The following TMC1 variants were observed in gnomAD, a reference collection of about 807,000 sequenced individuals.
TMC1 encodes the protein transmembrane channel-like protein 1.
Under a neutral mutation model 105.8 loss-of-function variants are expected in TMC1, and 84 were observed. That is an observed-to-expected ratio of 0.79 (90% CI 0.67 to 0.95). TMC1 has a LOEUF of 0.95. Among genes scored for constraint, TMC1 ranks in the 40% least tolerant of loss-of-function variants. The pLI is 0.00. For missense variants in TMC1, 817 were observed against 914.1 expected (o/e 0.89, Z 1.37); for synonymous variants, 315 against 311.5 (o/e 1.01, Z -0.12).
intron 1 of TMC1, among the ~76,000 whole-genome samples, chr9:72,561,317 C>CAAAAAA (rs375862130): frequency 1.3e-5 from 1 of 76,392 alleles, no homozygotes; most frequent in African/African-American, 5.5e-5. Context: ...GACTCCGTCT[C>CAAAAAA]AAAAAAAAAA....
At chr9:72,542,595 A>G (rs1219456167) in intron 1 of TMC1, among the ~76,000 whole-genome samples, 1 of 151,070 alleles carries the variant, frequency 6.6e-6, no homozygotes, top group East Asian at 2.0e-4. Context: ...GCTCCAGCCT[A>G]GGGGGGAGAA....
At chr9:72,685,258 C>T (rs960577099) in intron 5 of TMC1, among the ~76,000 whole-genome samples, 11 of 151,544 alleles carry the variant, frequency 7.3e-5, no homozygotes, top group Admixed American at 1.3e-4. Flanking sequence ...AGGCGCCCAC[C>T]ACCACACCCG....
chr9:72,662,191 CTTT>C (rs71359511), intron 5 of TMC1, among the ~76,000 whole-genome samples: 1 of 141,524 alleles, frequency 7.1e-6, no homozygotes. Flanking sequence ...TTTTCTTTTT[CTTT>C]TTTTTTTTTT....
At chr9:72,752,286 A>C (rs1199342509) in intron 11 of TMC1, among the ~76,000 whole-genome samples, 1 of 152,206 alleles carries the variant, frequency 6.6e-6, no homozygotes, top group African/African-American at 2.4e-5. Flanking sequence ...ATTGTTCAAG[A>C]GGAAGACTTT....
intron 6 of TMC1, 97 bp downstream of exon 6, chr9:72,688,853 C>A: frequency 1.9e-6 from 2 of 1,041,792 alleles, no homozygotes; most frequent in Non-Finnish European, 2.9e-6. Flanking sequence ...CATATGTAAG[C>A]AGAAGTGTGT....
chr9:72,636,711 A>AAAAAAAAAAC (rs1825540098), intron 4 of TMC1, among the ~76,000 whole-genome samples: 1 of 151,226 alleles, frequency 6.6e-6, no homozygotes. Flanking sequence ...CCATCTCAAA[A>AAAAAAAAAAC]AAAAAAAAAA....
chr9:72,806,762 C>T (rs555064046), intron 18 of TMC1, among the ~76,000 whole-genome samples: 28 of 148,826 alleles, frequency 1.9e-4, no homozygotes, highest in African/African-American at 2.5e-4. Context: ...CGGGCGGAGA[C>T]GCTCCTCACT....
intron 5 of TMC1, among the ~76,000 whole-genome samples, chr9:72,664,643 A>C (rs1826014508): frequency 6.6e-6 from 1 of 152,106 alleles, no homozygotes; most frequent in African/African-American, 2.4e-5. Flanking sequence ...ATGGTCAGAG[A>C]GGAGATCAGC....
chr9:72,783,737 A>C (rs1023081340), intron 13 of TMC1, among the ~76,000 whole-genome samples: 1 of 152,208 alleles, frequency 6.6e-6, no homozygotes, highest in African/African-American at 2.4e-5. Context: ...ATAAAGCTGC[A>C]CATGTACAAG....
chr9:72,700,291 C>T (rs77553190), intron 7 of TMC1, among the ~76,000 whole-genome samples: 216 of 151,590 alleles, frequency 1.4e-3, no homozygotes, highest in Non-Finnish European at 2.6e-3. Flanking sequence ...AACAGAATGG[C>T]TTAGATTCAG....
At chr9:72,610,970 T>G (rs1446868568) in intron 2 of TMC1, among the ~76,000 whole-genome samples, 1 of 152,234 alleles carries the variant, frequency 6.6e-6, no homozygotes, top group African/African-American at 2.4e-5. Context: ...AAGATCTTTC[T>G]AGTTCTAAAA....
chr9:72,540,685 G>A (rs562476683), intron 1 of TMC1, among the ~76,000 whole-genome samples: 13 of 152,092 alleles, frequency 8.5e-5, no homozygotes, highest in Admixed American at 6.6e-4. Context: ...CCTTGCTGTG[G>A]TCATTTTGAT....
At chr9:72,548,685 C>T (rs1216095409) in intron 1 of TMC1, among the ~76,000 whole-genome samples, 2 of 151,830 alleles carry the variant, frequency 1.3e-5, no homozygotes, top group Non-Finnish European at 2.9e-5. Flanking sequence ...ATTGACAGTG[C>T]ATGTCAAAAA....
intron 6 of TMC1, among the ~76,000 whole-genome samples, chr9:72,689,079 A>G (rs1459357053): frequency 6.6e-6 from 1 of 152,190 alleles, no homozygotes; most frequent in South Asian, 2.1e-4. Flanking sequence ...ACCCAAAGAT[A>G]GAGAAAATTG....
chr9:72,552,980 A>AT (rs541819412), intron 1 of TMC1, among the ~76,000 whole-genome samples: 46 of 150,006 alleles, frequency 3.1e-4, no homozygotes, highest in African/African-American at 1.0e-3. Context: ...TATATATATA[A>AT]TTTTTTTTTT....
chr9:72,603,740 G>A (rs933144281), intron 2 of TMC1, among the ~76,000 whole-genome samples: 1 of 151,784 alleles, frequency 6.6e-6, no homozygotes, highest in Non-Finnish European at 1.5e-5. Context: ...AGTAGAGACG[G>A]GGTTTCACCA....
At chr9:72,786,521 C>G (rs981007472) in intron 13 of TMC1, among the ~76,000 whole-genome samples, 33 of 152,240 alleles carry the variant, frequency 2.2e-4, no homozygotes, top group African/African-American at 7.7e-4. Context: ...CTAGAATTGC[C>G]TTTGCTAACT....
At chr9:72,573,330 A>G (rs1192714724) in intron 1 of TMC1, among the ~76,000 whole-genome samples, 1 of 152,208 alleles carries the variant, frequency 6.6e-6, no homozygotes, top group Non-Finnish European at 1.5e-5. Context: ...ATAAAGAACT[A>G]TATAAGCAGA....
chr9:72,638,253 C>T (rs751662999), intron 4 of TMC1, among the ~76,000 whole-genome samples: 3 of 152,096 alleles, frequency 2.0e-5, no homozygotes, highest in Non-Finnish European at 2.9e-5. Flanking sequence ...TTTCTTTATA[C>T]GTTAATCATC....
Sources: gnomAD v4.1 joint callset for allele counts (sites outside exome capture counted in the v4.1 genomes callset) on GRCh38, gnomAD v4.1.1 for gene constraint, MANE v1.5 for transcripts, NCBI Gene and HGNC (gene_info 2026-07-23, HGNC 2026-07-21) for gene names.